The following PPP6R3 variants were observed in gnomAD, a reference collection of about 807,000 sequenced individuals.
PPP6R3 encodes protein phosphatase 6 regulatory subunit 3, also known as serine/threonine-protein phosphatase 6 regulatory subunit 3.
A neutral mutation model predicts 110.7 loss-of-function variants in PPP6R3; 38 were observed. The observed-to-expected ratio is 0.34, with a 90% CI of 0.26 to 0.45. The LOEUF (loss-of-function observed/expected upper bound fraction) is 0.45, where lower values mean the gene tolerates loss of function less well. Among genes scored for constraint, PPP6R3 ranks in the 20% least tolerant of loss-of-function variants. PPP6R3 has a pLI of 1.00. For missense variants in PPP6R3, 870 were observed against 1,062.4 expected, an observed-to-expected ratio of 0.82 and a Z score of 2.52; for synonymous variants, 369 against 373.5, an observed-to-expected ratio of 0.99 and a Z score of 0.14.
chr11:68,546,802 C>G (rs942642140), intron 4 of PPP6R3, among the ~76,000 whole-genome samples: 1 of 152,184 alleles, frequency 6.6e-6, no homozygotes, highest in Non-Finnish European at 1.5e-5. Flanking sequence ...CAGTGCTGTA[C>G]TGTCCACCAC....
Position 68,614,827 on chromosome 11 carries a change from C to G in PPP6R3, c.*1710C>G. ...AGAGGACAGGGCTCCTCCTGCTTGC[C>G]TCAGGGCTGCCTGACTTGAATGGCG... On this transcript the variant is annotated 3_prime_UTR_variant, in exon 24 of 24. Transcript: ENST00000393800. 1 of 1,357,420 alleles carries G rather than the reference C, an allele frequency of 7.4e-7. No individual in the cohort carries two copies. The highest frequency in any genetic ancestry group is 1.3e-5 in the South Asian group (1 of 79,860). The allele number at this position is 1,357,420 out of a possible 1,614,324, so 84.1% of individuals were successfully genotyped here.
intron 1 of PPP6R3, among the ~76,000 whole-genome samples, chr11:68,517,860 C>G (rs1442776449): frequency 6.6e-6 from 1 of 151,968 alleles, no homozygotes; most frequent in Non-Finnish European, 1.5e-5. Context: ...ATCACTTGAG[C>G]CCAGGAGGTG....
intron 19 of PPP6R3, among the ~76,000 whole-genome samples, chr11:68,597,655 TTTG>T (rs749460018): frequency 2.0e-5 from 3 of 149,848 alleles, no homozygotes; most frequent in Non-Finnish European, 4.5e-5. Context: ...ATCTGTAGGG[TTTG>T]TTGTTGTTGT....
intron 1 of PPP6R3, among the ~76,000 whole-genome samples, chr11:68,481,037 G>A (rs1165811293): frequency 6.6e-6 from 1 of 152,160 alleles, no homozygotes; most frequent in East Asian, 1.9e-4. Flanking sequence ...CTGGAAAAAG[G>A]GGTGTGGATC....
At chr11:68,561,134 C>T (rs1161829829) in intron 8 of PPP6R3, among the ~76,000 whole-genome samples, 2 of 152,046 alleles carry the variant, frequency 1.3e-5, no homozygotes, top group Admixed American at 6.6e-5. Flanking sequence ...TGATCCACCC[C>T]CCTCGGCCTC....
chr11:68,604,227 A>C (rs1938102865), intron 22 of PPP6R3, among the ~76,000 whole-genome samples: 1 of 152,234 alleles, frequency 6.6e-6, no homozygotes, highest in South Asian at 2.1e-4. Context: ...TAGCAAACCA[A>C]ATGTAGCAAT....
chr11:68,595,200 ATTTTTTTTTTTT>A lies in PPP6R3; in HGVS notation c.1917-877_1917-866del, dbSNP rs71043443. 1.3e-3 allele frequency among the ~76,000 whole-genome samples: 105 copies of A among 81,182 alleles called. 1 individual carries two copies. The highest frequency in any genetic ancestry group is 9.2e-3 in the East Asian group (21 of 2,286). 53.3% of individuals were successfully genotyped at this position (81,182 alleles called of 152,430 possible). A position where few individuals can be genotyped will look rare whatever the true frequency, so the allele number is the denominator to read the frequency against. ...ACCAAAAACACAATACATAAAAATA[ATTTTTTTTTTTT>A]TTTTTTTTTTTTTTTTTTTGGAGAC... is the stretch of plus-strand genomic sequence containing the variant. On this transcript the variant is annotated intron_variant, in intron 18 of 23. Transcript: ENST00000393800.
At chr11:68,554,115 T>C in intron 6 of PPP6R3, 30 bp from the exon 7 acceptor site, 1 of 1,470,200 alleles carries the variant, frequency 6.8e-7, no homozygotes, top group Non-Finnish European at 9.4e-7. Context: ...TAACATGTTT[T>C]ATGGTTAAAA....
intron 8 of PPP6R3, among the ~76,000 whole-genome samples, chr11:68,559,614 G>A (rs1393743682): frequency 1.3e-5 from 2 of 152,190 alleles, no homozygotes; most frequent in Non-Finnish European, 2.9e-5. Flanking sequence ...CCTGATCTCT[G>A]TTGCTGCTTT....
intron 1 of PPP6R3, among the ~76,000 whole-genome samples, chr11:68,495,006 T>TTAA (rs2099007132): frequency 6.6e-6 from 1 of 152,230 alleles, no homozygotes; most frequent in African/African-American, 2.4e-5. Flanking sequence ...AAGAACTGCC[T>TTAA]GGCACATATG....
intron 6 of PPP6R3, 148 bp from the exon 7 acceptor site, chr11:68,553,997 T>G (rs893108699): frequency 8.5e-6 from 5 of 591,196 alleles, no homozygotes; most frequent in Non-Finnish European, 1.5e-5. Flanking sequence ...ACTTGTGATG[T>G]GATCTCTCTT....
chr11:68,580,366 C>T (rs2153817776), intron 14 of PPP6R3, among the ~76,000 whole-genome samples: 1 of 152,170 alleles, frequency 6.6e-6, no homozygotes, highest in East Asian at 1.9e-4. Flanking sequence ...ATGGCTGTGG[C>T]TATTGGGTTG....
intron 15 of PPP6R3, among the ~76,000 whole-genome samples, chr11:68,583,427 C>A (rs1163072694): frequency 6.6e-6 from 1 of 152,156 alleles, no homozygotes; most frequent in Admixed American, 6.5e-5. Context: ...TTACACAGAC[C>A]TTTACAATAG....
rs2099613679 is a variant in PPP6R3 at position 68,596,278 on chromosome 11, T to C, written c.2038+60T>C. The C allele has an allele frequency of 3.7e-6, 6 of 1,605,168 alleles. No homozygotes were observed. The East Asian group carries it at 1.3e-4, about 36-fold the overall frequency. ...TGTTGGAATTAGGTATTGTGAACAA[T>C]TGGCAAAGGAGCAGTTCACAGCATC... On this transcript the variant is annotated intron_variant, in intron 19 of 23. Coordinates refer to ENST00000393800, the MANE Select transcript of PPP6R3 (RefSeq NM_001164161.2).
intron 1 of PPP6R3, among the ~76,000 whole-genome samples, chr11:68,490,722 T>C (rs1210068677): frequency 6.6e-6 from 1 of 152,158 alleles, no homozygotes; most frequent in Non-Finnish European, 1.5e-5. Context: ...TTCAGCCGTG[T>C]TTAGCCTACT....
intron 7 of PPP6R3, chr11:68,558,349 GGTGA>G (rs1026812788): frequency 1.4e-4 from 44 of 320,738 alleles, no homozygotes; most frequent in Non-Finnish European, 1.9e-4. Context: ...GAGATAGAAG[GGTGA>G]GTGAGTGAGT....
chr11:68,598,117 C>T (rs2099619721), intron 19 of PPP6R3, among the ~76,000 whole-genome samples: 1 of 152,146 alleles, frequency 6.6e-6, no homozygotes, highest in African/African-American at 2.4e-5. Flanking sequence ...TAGCAGCCTC[C>T]ATTCTACTCT....
intron 1 of PPP6R3, among the ~76,000 whole-genome samples, chr11:68,506,044 C>T (rs1462840557): frequency 1.3e-5 from 2 of 151,210 alleles, no homozygotes; most frequent in African/African-American, 2.4e-5. Context: ...AGATTGTTTC[C>T]TTTTTTCCCC....
chr11:68,611,213 T>A (rs1943253389), intron 23 of PPP6R3, among the ~76,000 whole-genome samples: 1 of 152,192 alleles, frequency 6.6e-6, no homozygotes, highest in African/African-American at 2.4e-5. Flanking sequence ...TTTATAGGTC[T>A]CATTCCCAAT....
Sources: allele counts gnomAD v4.1 joint callset (sites outside exome capture counted in the v4.1 genomes callset), GRCh38; gene constraint gnomAD v4.1.1; transcripts MANE v1.5; gene names NCBI Gene and HGNC (gene_info 2026-07-23, HGNC 2026-07-21).